The following APP variants were observed in gnomAD, a reference collection of about 807,000 sequenced individuals.
APP encodes amyloid-beta precursor protein.
A neutral mutation model predicts 101.4 loss-of-function variants in APP; 31 were observed. That is an observed-to-expected ratio of 0.31 (90% CI 0.23 to 0.41). The LOEUF (loss-of-function observed/expected upper bound fraction) is 0.41. APP is among the 10% of genes least tolerant of loss of function. The pLI is 1.00. For missense variants in APP, 839 were observed against 1,003.7 expected (o/e 0.84, Z 2.22); for synonymous variants, 366 against 364.4 (o/e 1.00, Z -0.05).
chr21:25,956,519 C>T (rs2041329003), intron 11 of APP, among the ~76,000 whole-genome samples: 1 of 152,138 alleles, frequency 6.6e-6, no homozygotes, highest in East Asian at 1.9e-4. Flanking sequence ...ATATGCATTC[C>T]ACTACATGAT....
intron 1 of APP, among the ~76,000 whole-genome samples, chr21:26,127,854 T>C (rs1230646763): frequency 6.6e-6 from 1 of 152,148 alleles, no homozygotes; most frequent in African/African-American, 2.4e-5. Context: ...TTGTCTCAAC[T>C]TGTATCTAGC....
chr21:26,151,029 A>C (rs2063258526), intron 1 of APP, among the ~76,000 whole-genome samples: 1 of 152,244 alleles, frequency 6.6e-6, no homozygotes, highest in African/African-American at 2.4e-5. Context: ...TGTCTGGCTG[A>C]ATGGACTCCA....
chr21:25,988,314 G>A (rs933534053), intron 8 of APP, among the ~76,000 whole-genome samples: 85 of 152,202 alleles, frequency 5.6e-4, no homozygotes, highest in African/African-American at 2.0e-3. Context: ...AGGGACCAGC[G>A]TGGGCTGTTT....
intron 11 of APP, among the ~76,000 whole-genome samples, chr21:25,973,652 A>G (rs140356983): frequency 1.4e-3 from 208 of 152,230 alleles, no homozygotes; most frequent in African/African-American, 4.7e-3. Context: ...ACAAACAGAA[A>G]GAACAAATGG....
chr21:25,983,992 A>C (rs11910060), intron 8 of APP, among the ~76,000 whole-genome samples: 2,105 of 152,292 alleles, frequency 0.014, 46 homozygotes, highest in African/African-American at 0.048. Flanking sequence ...TTTTTTATCA[A>C]GTGGTGATAA....
At position 25,897,586 on chromosome 21, in the gene APP, T is replaced by G. The variant is rs1424019513; in HGVS notation, c.2051A>C (p.His684Pro). The G allele has an allele frequency of 1.9e-6, 3 of 1,612,950 alleles. No homozygotes were observed. The highest frequency in any genetic ancestry group is 2.5e-6 in the Non-Finnish European group (3 of 1,179,004). ...TATTTTACGTACCAATTTTTGATGA[T>G]GAACTTCATATCCTGAGTCATGTCG... ...EFRHDSGYEVHHQKLVFFAED... is the reference protein window; with the variant it reads ...EFRHDSGYEVPHQKLVFFAED... The change falls in exon 16 of 18, where the codon CAT becomes CCT. Residue 684 changes from histidine to proline, a missense_variant. Coordinates refer to ENST00000346798, the MANE Select transcript of APP (RefSeq NM_000484.4).
At chr21:26,162,333 A>T (rs9978820) in intron 1 of APP, among the ~76,000 whole-genome samples, 3,001 of 152,336 alleles carry the variant, frequency 0.02, 114 homozygotes, top group African/African-American at 0.068. Flanking sequence ...AACAAACAAA[A>T]CCAAACACAG....
chr21:26,089,709 G>T, intron 3 of APP: 1 of 444,696 alleles, frequency 2.2e-6, no homozygotes, highest in Non-Finnish European at 3.9e-6. Flanking sequence ...CCAGGAATTT[G>T]TAATTTCAAT....
intron 1 of APP, 49 bp from the exon 2 acceptor site, chr21:26,112,195 G>GCTC (rs2062342888): frequency 6.4e-7 from 1 of 1,570,782 alleles, no homozygotes; most frequent in African/African-American, 1.4e-5. Context: ...CTCCAAGGCA[G>GCTC]AGGCTTGGAG....
In APP at chr21:25,955,717, G is replaced by A. The variant is rs199681584; in HGVS notation, c.1497C>T (p.Arg499=). Residue 499 remains arginine, a synonymous_variant, in exon 12 of 18, where the codon CGC becomes CGT. Transcript: ENST00000346798. ...HVFNMLKKYV[R]AEQKDRQHTL... ...TGTGCTGTCTGTCCTTCTGTTCTGC[G>A]CGGACATACTTCTTTAGCATATTGA... The A allele has an allele frequency of 6.8e-6, 11 of 1,614,154 alleles. No homozygotes were observed. Among genetic ancestry groups the A allele is most frequent in the Non-Finnish European group, 9.3e-6 (11 of 1,180,022 alleles).
intron 2 of APP, among the ~76,000 whole-genome samples, chr21:26,109,066 A>G: frequency 6.6e-6 from 1 of 152,098 alleles, no homozygotes; most frequent in East Asian, 1.9e-4. Flanking sequence ...ATCCAACAAG[A>G]CTTCCGTGGG....
chr21:26,006,489 C>T (rs1317234122), intron 6 of APP, among the ~76,000 whole-genome samples: 1 of 152,168 alleles, frequency 6.6e-6, no homozygotes, highest in Admixed American at 6.5e-5. Context: ...GAGATTTGTG[C>T]TCGTGTCAAC....
At chr21:26,000,247 T>C in intron 6 of APP, 65 bp from the exon 7 acceptor site, 1 of 1,590,948 alleles carries the variant, frequency 6.3e-7, no homozygotes, top group Non-Finnish European at 8.6e-7. Flanking sequence ...TGTTCATGTA[T>C]ACACGTTTAC....
chr21:26,004,551 CA>C (rs2043438934), intron 6 of APP, among the ~76,000 whole-genome samples: 1 of 152,260 alleles, frequency 6.6e-6, no homozygotes, highest in East Asian at 1.9e-4. Context: ...CTTGGCCTCC[CA>C]AAGTGCTGGG....
chr21:25,958,565 A>AC (rs1569106867), intron 11 of APP, among the ~76,000 whole-genome samples: 1 of 152,246 alleles, frequency 6.6e-6, no homozygotes, highest in African/African-American at 2.4e-5. Context: ...GCGTGCGACC[A>AC]GTGCACGGCC....
chr21:25,931,372 C>G (rs1163413554), intron 13 of APP, among the ~76,000 whole-genome samples: 2 of 152,158 alleles, frequency 1.3e-5, no homozygotes, highest in Non-Finnish European at 2.9e-5. Flanking sequence ...AAAAGGGAAG[C>G]AGCTTAGCCA....
chr21:25,999,906 G>T, intron 7 of APP, 109 bp downstream of exon 7: 1 of 1,268,652 alleles, frequency 7.9e-7, no homozygotes, highest in Middle Eastern at 2.5e-4. Flanking sequence ...GTGGTTAGTG[G>T]TAGCAACAGG....
intron 10 of APP, 34 bp from the exon 11 acceptor site, chr21:25,975,262 G>A (rs1568792691): frequency 6.2e-7 from 1 of 1,613,766 alleles, no homozygotes; most frequent in Non-Finnish European, 8.5e-7. Context: ...CATGGGGACT[G>A]AATAAGTAGG....
intron 6 of APP, among the ~76,000 whole-genome samples, chr21:26,001,877 C>T (rs1467571751): frequency 1.5e-3 from 1 of 688 alleles, no homozygotes; most frequent in Non-Finnish European, 4.8e-3. Context: ...CTTCACAGGC[C>T]AGAAGCTGCT....
Sources: allele counts gnomAD v4.1 joint callset (sites outside exome capture counted in the v4.1 genomes callset), GRCh38; gene constraint gnomAD v4.1.1; transcripts MANE v1.5; gene names NCBI Gene and HGNC (gene_info 2026-07-23, HGNC 2026-07-21).